Variants in ITSN1 observed in about 807,000 individuals in gnomAD.
ITSN1 encodes intersectin-1.
Under a neutral mutation model 239.8 loss-of-function variants are expected in ITSN1, and 58 were observed. That is an observed-to-expected ratio of 0.24 (90% CI 0.20 to 0.30). The LOEUF (loss-of-function observed/expected upper bound fraction) is 0.30. ITSN1 is among the 10% of genes least tolerant of loss of function. ITSN1 has a pLI of 1.00. For missense variants in ITSN1, 1,558 were observed against 2,103.3 expected, an observed-to-expected ratio of 0.74 and a Z score of 5.07; for synonymous variants, 780 against 770.8, an observed-to-expected ratio of 1.01 and a Z score of -0.20.
At chr21:33,859,134 C>T (rs1223543043) in intron 31 of ITSN1, among the ~76,000 whole-genome samples, 4 of 152,204 alleles carry the variant, frequency 2.6e-5, no homozygotes, top group African/African-American at 9.7e-5. Context: ...TCTACGCTTT[C>T]CCTCGGACGC....
Position 33,811,183 on chromosome 21 carries a change from C to T in ITSN1, c.2528C>T (p.Pro843Leu). ...CCTTTGGCAGTAACCTCTTCAGAGC[C>T]CTCCACGACCCCTAATAACTGGGCC... The part of the protein sequence containing the change: ...PAPLAVTSSE[P>L]STTPNNWADF... The change falls in exon 21 of 40, where the codon CCC becomes CTC. Residue 843 changes from proline (P) to leucine (L), a missense_variant. By Grantham distance (98) the Pro-to-Leu change is moderately conservative (BLOSUM62 -3). This residue lies in a region of ITSN1 where 982 missense variants were observed against 1,209.9 expected (regional missense o/e 0.81). Coordinates refer to ENST00000381318, the MANE Select transcript of ITSN1 (RefSeq NM_003024.3). 1 of 1,608,930 alleles carries T rather than the reference C, an allele frequency of 6.2e-7. No homozygotes were observed. Among genetic ancestry groups the T allele is most frequent in the Non-Finnish European group, 8.5e-7 (1 of 1,176,792 alleles).
At chr21:33,649,601 T>C (rs2088318116) in intron 1 of ITSN1, among the ~76,000 whole-genome samples, 1 of 152,164 alleles carries the variant, frequency 6.6e-6, no homozygotes, top group South Asian at 2.1e-4. Flanking sequence ...ATTGTTTTTG[T>C]GTGGTATGGG....
chr21:33,827,903 C>T (rs2148342424), intron 26 of ITSN1, among the ~76,000 whole-genome samples: 1 of 152,242 alleles, frequency 6.6e-6, no homozygotes, highest in South Asian at 2.1e-4. Context: ...TCCAACTGGG[C>T]TTACATGGCT....
intron 29 of ITSN1, among the ~76,000 whole-genome samples, chr21:33,840,214 A>G (rs890368010): frequency 1.3e-5 from 2 of 152,224 alleles, no homozygotes; most frequent in Non-Finnish European, 2.9e-5. Context: ...CATATTCACA[A>G]GAGAATCTGG....
At chr21:33,643,444 CA>C (rs1568819116) in intron 1 of ITSN1, 1 of 152,062 alleles carries the variant, frequency 6.6e-6, no homozygotes, top group Non-Finnish European at 1.5e-5. Flanking sequence ...TCCGAATTCC[CA>C]AAAAAAGGAA....
intron 20 of ITSN1, among the ~76,000 whole-genome samples, chr21:33,809,713 T>A (rs1400111516): frequency 1.3e-5 from 2 of 152,216 alleles, no homozygotes; most frequent in Non-Finnish European, 2.9e-5. Context: ...GATGTTTTAC[T>A]CCTTAGGCAG....
chr21:33,817,751 A>G, intron 22 of ITSN1: 1 of 801,364 alleles, frequency 1.2e-6, no homozygotes, highest in Non-Finnish European at 1.7e-6. Flanking sequence ...TGCTAACCAA[A>G]TCCCTGTTTT....
At chr21:33,721,099 G>A in intron 2 of ITSN1, 79 bp from the exon 3 acceptor site, 1 of 864,194 alleles carries the variant, frequency 1.2e-6, no homozygotes, top group Non-Finnish European at 2.0e-6. Flanking sequence ...ATCTTGAAGT[G>A]CTGTGGAAAT....
intron 31 of ITSN1, among the ~76,000 whole-genome samples, chr21:33,859,229 C>T (rs1979995734): frequency 2.6e-5 from 4 of 152,194 alleles, no homozygotes. Context: ...TGCCTAACAT[C>T]AGCAGTTCCT....
chr21:33,778,576 T>TGTATGTAAGTCTGTAGTA, intron 14 of ITSN1, among the ~76,000 whole-genome samples: 1 of 114,524 alleles, frequency 8.7e-6, no homozygotes, highest in African/African-American at 4.0e-5. Context: ...ATTCTCTTTT[T>TGTATGTAAGTCTGTAGTA]TTTTTTTTTT....
At chr21:33,835,696 C>T (rs1198971330) in intron 28 of ITSN1, among the ~76,000 whole-genome samples, 5 of 152,092 alleles carry the variant, frequency 3.3e-5, no homozygotes, top group African/African-American at 7.2e-5. Context: ...TTTGGGAGGC[C>T]GAGGCGGGCG....
At chr21:33,673,878 A>T (rs1417738723) in intron 1 of ITSN1, among the ~76,000 whole-genome samples, 2 of 152,252 alleles carry the variant, frequency 1.3e-5, no homozygotes, top group Admixed American at 1.3e-4. Context: ...GAGGTAAACA[A>T]CTATGTTAAT....
intron 1 of ITSN1, among the ~76,000 whole-genome samples, chr21:33,660,869 T>C (rs2089496002): frequency 6.6e-6 from 1 of 152,206 alleles, no homozygotes; most frequent in South Asian, 2.1e-4. Flanking sequence ...CCCTGTTTGA[T>C]TTGACCAATA....
intron 1 of ITSN1, among the ~76,000 whole-genome samples, chr21:33,679,068 C>G (rs572767018): frequency 6.6e-6 from 1 of 152,222 alleles, no homozygotes; most frequent in East Asian, 1.9e-4. Context: ...GTTGAATTAC[C>G]TACCATAGAT....
intron 25 of ITSN1, among the ~76,000 whole-genome samples, chr21:33,826,572 C>T (rs1466581012): frequency 1.3e-5 from 2 of 152,184 alleles, no homozygotes; most frequent in African/African-American, 2.4e-5. Flanking sequence ...GCCCTCTGGG[C>T]TCTTACAGGC....
intron 4 of ITSN1, among the ~76,000 whole-genome samples, chr21:33,725,549 A>G (rs999980926): frequency 1.3e-5 from 2 of 152,102 alleles, no homozygotes; most frequent in African/African-American, 4.8e-5. Context: ...GCAGTCAGCT[A>G]TGATTGTGCC....
intron 21 of ITSN1, 30 bp downstream of exon 21, chr21:33,811,252 T>C: frequency 6.5e-7 from 1 of 1,533,948 alleles, no homozygotes; most frequent in Non-Finnish European, 8.7e-7. Context: ...TTCTGATGAT[T>C]TTTGAAATCC....
At chr21:33,752,302 T>C (rs1190624276) in intron 7 of ITSN1, among the ~76,000 whole-genome samples, 3 of 152,214 alleles carry the variant, frequency 2.0e-5, no homozygotes, top group Non-Finnish European at 2.9e-5. Context: ...ATTGGAGTTA[T>C]AGTTGGCCTT....
intron 1 of ITSN1, among the ~76,000 whole-genome samples, chr21:33,659,105 A>G (rs1468315182): frequency 6.6e-6 from 1 of 152,240 alleles, no homozygotes; most frequent in Non-Finnish European, 1.5e-5. Context: ...AATTGAGTTC[A>G]GTCACGTGGT....
Sources: gnomAD v4.1 joint callset for allele counts (sites outside exome capture counted in the v4.1 genomes callset) on GRCh38, gnomAD v4.1.1 for gene constraint, gnomAD v4.1.1 regional missense constraint, MANE v1.5 for transcripts, NCBI Gene and HGNC (gene_info 2026-07-23, HGNC 2026-07-21) for gene names.